CA8: variants seen among roughly 807,000 people sequenced by gnomAD.
CA8 encodes the protein carbonic anhydrase 8 (inactive).
In CA8, 22 loss-of-function variants were observed where a neutral mutation model predicts 41.4. The ratio of observed to expected loss-of-function variants is 0.53; its 90% CI spans 0.38 to 0.76. The LOEUF (loss-of-function observed/expected upper bound fraction) is 0.76. Ranked by LOEUF, CA8 falls within the 30% of genes least tolerant of loss-of-function variation. The pLI is 0.00. For missense variants in CA8, 270 were observed against 352.8 expected (o/e 0.77, Z 1.88); for synonymous variants, 121 against 130.6 (o/e 0.93, Z 0.50).
chr8:60,268,805 TTCTGAGTCCTA>T (rs1344734318), intron 2 of CA8, among the ~76,000 whole-genome samples: 1 of 152,166 alleles, frequency 6.6e-6, no homozygotes, highest in Non-Finnish European at 1.5e-5. Flanking sequence ...ATCATATTTT[TTCTGAGTCCTA>T]TCTGGTTACT....
chr8:60,204,124 T>C (rs183484084), intron 8 of CA8, among the ~76,000 whole-genome samples: 67 of 152,330 alleles, frequency 4.4e-4, no homozygotes, highest in African/African-American at 1.2e-3. Flanking sequence ...TTGGAGCCTC[T>C]AGAAATAAAT....
chr8:60,221,752 A>C (rs1807258865), intron 7 of CA8, among the ~76,000 whole-genome samples: 1 of 152,264 alleles, frequency 6.6e-6, no homozygotes, highest in South Asian at 2.1e-4. Flanking sequence ...CTAGCAAAAC[A>C]GAAATAAAGA....
chr8:60,268,104 C>G (rs528681040), intron 2 of CA8, among the ~76,000 whole-genome samples: 1 of 152,292 alleles, frequency 6.6e-6, no homozygotes, highest in South Asian at 2.1e-4. Flanking sequence ...CCCCCAGCAA[C>G]AGTGGGACCC....
intron 5 of CA8, among the ~76,000 whole-genome samples, 176 bp downstream of exon 5, chr8:60,226,697 G>A (rs1375405410): frequency 1.3e-5 from 2 of 152,092 alleles, no homozygotes; most frequent in Non-Finnish European, 2.9e-5. Flanking sequence ...TTCATTCCAT[G>A]CGCCTTTTCC....
intron 5 of CA8, 39 bp from the exon 6 acceptor site, chr8:60,224,624 T>G: frequency 8.2e-7 from 1 of 1,213,690 alleles, no homozygotes; most frequent in East Asian, 2.3e-5. Context: ...GTTAATGTAA[T>G]ATTTCTAGAT....
chr8:60,263,221 G>C (rs1452020351), intron 3 of CA8, among the ~76,000 whole-genome samples: 2 of 151,920 alleles, frequency 1.3e-5, no homozygotes, highest in African/African-American at 4.8e-5. Context: ...TACCATGGAG[G>C]CTGAGGCACA....
At chr8:60,250,528 T>C (rs1194085553) in intron 3 of CA8, among the ~76,000 whole-genome samples, 1 of 152,184 alleles carries the variant, frequency 6.6e-6, no homozygotes, top group Non-Finnish European at 1.5e-5. Context: ...CACCCGTTCT[T>C]TTTCCTTTTG....
At chr8:60,270,388 T>TTTTA (rs747552830) in intron 2 of CA8, among the ~76,000 whole-genome samples, 19 of 152,154 alleles carry the variant, frequency 1.2e-4, no homozygotes, top group Non-Finnish European at 2.5e-4. Context: ...TTCATTCTTA[T>TTTTA]TTTATTTACT....
intron 2 of CA8, among the ~76,000 whole-genome samples, chr8:60,266,552 GTCAA>G (rs1465667571): frequency 1.3e-5 from 2 of 152,320 alleles, no homozygotes; most frequent in East Asian, 3.9e-4. Flanking sequence ...TTAGCATTAA[GTCAA>G]TCAATAATGA....
chr8:60,232,922 T>A (rs1340528406), intron 3 of CA8, among the ~76,000 whole-genome samples: 1 of 152,150 alleles, frequency 6.6e-6, no homozygotes, highest in Non-Finnish European at 1.5e-5. Flanking sequence ...TAAATGCTGA[T>A]GTAAATCTCT....
At chr8:60,232,484 C>A (rs1807688416) in intron 3 of CA8, 105 bp from the exon 4 acceptor site, 1 of 816,632 alleles carries the variant, frequency 1.2e-6, no homozygotes, top group Non-Finnish European at 2.2e-6. Flanking sequence ...GTATCACATA[C>A]CACAAGAGGA....
In CA8 at chr8:60,281,093, C is replaced by A. The variant is rs777862901; in HGVS notation, c.55G>T (p.Asp19Tyr). The change falls in exon 1 of 9, where the codon GAT (aspartate) becomes TAT (tyrosine). Residue 19 changes from aspartate to tyrosine, a missense_variant. By Grantham distance (160) the Asp-to-Tyr change is radical. Around this residue, in one of 3 missense-constraint regions of CA8, gnomAD observed 123 missense variants for 136.8 expected, o/e 0.90. Coordinates refer to ENST00000317995, the MANE Select transcript of CA8 (RefSeq NM_004056.6). ...ACACCCTCCTCTTCTTCCTCCTCAT[C>A]CTCTTCCTTCTCGGGGAAGGCGACG... ...DTVAFPEKEE[D>Y]EEEEEEGVEW... The A allele has an allele frequency of 1.2e-6, 2 of 1,609,474 alleles. No homozygotes were observed. The highest frequency in any genetic ancestry group is 8.5e-7 in the Non-Finnish European group (1 of 1,178,812).
chr8:60,217,612 G>A (rs1194468855), intron 7 of CA8, among the ~76,000 whole-genome samples: 1 of 152,188 alleles, frequency 6.6e-6, no homozygotes, highest in Non-Finnish European at 1.5e-5. Context: ...TTTCTTGGAT[G>A]TCTTAAAGGC....
intron 3 of CA8, among the ~76,000 whole-genome samples, chr8:60,252,072 C>T (rs1457193473): frequency 6.6e-6 from 1 of 152,072 alleles, no homozygotes; most frequent in Non-Finnish European, 1.5e-5. Flanking sequence ...GGGTTTCATA[C>T]TCAATATTCC....
chr8:60,218,744 C>T (rs1023429170), intron 7 of CA8, among the ~76,000 whole-genome samples: 48 of 152,048 alleles, frequency 3.2e-4, no homozygotes, highest in African/African-American at 1.1e-3. Context: ...TATGTATCCT[C>T]GAGACAAATT....
intron 7 of CA8, among the ~76,000 whole-genome samples, chr8:60,221,144 A>G (rs1488492055): frequency 1.3e-5 from 2 of 152,190 alleles, no homozygotes; most frequent in Non-Finnish European, 2.9e-5. Flanking sequence ...CCAAAACTCT[A>G]GGCTTAACAT....
In CA8 at chr8:60,190,432, A is replaced by AATATAT. The variant is rs57878452; in HGVS notation, c.*36-453_*36-448dup. On this transcript the variant is annotated intron_variant, in intron 8 of 8. Transcript: ENST00000317995. Reference sequence around the variant, plus strand: ...TCTATTAAATAAATAATAAATGCAGAATATATATATATATATATATATATA... The same window carrying AATATAT: ...TCTATTAAATAAATAATAAATGCAGAATATATATATATATATATATATATATATATA... Among the ~76,000 whole-genome samples, 173 of 99,322 alleles carry AATATAT rather than the reference A, an allele frequency of 1.7e-3. 2 individuals are homozygous for AATATAT. The highest frequency in any genetic ancestry group is 2.4e-3 in the Non-Finnish European group (117 of 49,732). The allele number at this position is 99,322 out of a possible 152,430, so 65.2% of individuals were successfully genotyped here. A position where few individuals can be genotyped will look rare whatever the true frequency, so the allele number is the denominator to read the frequency against.
chr8:60,223,362 G>C (rs184764672), intron 6 of CA8, among the ~76,000 whole-genome samples: 4 of 152,144 alleles, frequency 2.6e-5, no homozygotes, highest in Admixed American at 2.0e-4. Flanking sequence ...GTGTGACCAT[G>C]AATCACTGCA....
intron 6 of CA8, among the ~76,000 whole-genome samples, chr8:60,223,690 A>C (rs1807327220): frequency 6.6e-6 from 1 of 152,234 alleles, no homozygotes; most frequent in African/African-American, 2.4e-5. Flanking sequence ...CATTCTTATG[A>C]AATCCTTTAG....
Sources: allele counts gnomAD v4.1 joint callset (sites outside exome capture counted in the v4.1 genomes callset), GRCh38; gene constraint gnomAD v4.1.1; regional missense constraint gnomAD v4.1.1; transcripts MANE v1.5; gene names NCBI Gene and HGNC (gene_info 2026-07-23, HGNC 2026-07-21).